NCALD: variants seen among roughly 807,000 people sequenced by gnomAD.
NCALD encodes the protein neurocalcin delta, also known as neurocalcin-delta.
NCALD carries 10 observed loss-of-function variants against 18.6 expected under a neutral mutation model. The ratio of observed to expected loss-of-function variants is 0.54; its 90% CI spans 0.33 to 0.91. The LOEUF is 0.91. NCALD is among the 40% of genes least tolerant of loss of function. The pLI is 0.03. For missense variants in NCALD, 184 were observed against 247.6 expected (o/e 0.74, Z 1.72); for synonymous variants, 88 against 87.4 (o/e 1.01, Z -0.04).
intron 4 of NCALD, among the ~76,000 whole-genome samples, chr8:101,803,302 T>G (rs756497587): frequency 1.6e-4 from 25 of 152,196 alleles, no homozygotes; most frequent in Non-Finnish European, 2.8e-4. Context: ...TGGGTTACTA[T>G]GTTAAGCCCA....
At chr8:101,818,637 C>T (rs1209851001) in intron 4 of NCALD, among the ~76,000 whole-genome samples, 1 of 152,154 alleles carries the variant, frequency 6.6e-6, no homozygotes, top group Non-Finnish European at 1.5e-5. Flanking sequence ...ATATATCATA[C>T]TATTTTTACC....
intron 2 of NCALD, among the ~76,000 whole-genome samples, chr8:101,925,925 G>GC (rs1818321885): frequency 6.6e-6 from 1 of 152,150 alleles, no homozygotes; most frequent in Non-Finnish European, 1.5e-5. Flanking sequence ...GAAAAATCAG[G>GC]CAAGAGACGT....
intron 1 of NCALD, among the ~76,000 whole-genome samples, chr8:102,119,212 C>T (rs117456101): frequency 6.6e-6 from 1 of 152,232 alleles, no homozygotes; most frequent in Non-Finnish European, 1.5e-5. Flanking sequence ...AAGTGTGGTA[C>T]ATACATACAA....
intron 1 of NCALD, among the ~76,000 whole-genome samples, chr8:102,058,824 A>C (rs186275742): frequency 4.6e-5 from 7 of 152,352 alleles, no homozygotes; most frequent in African/African-American, 1.7e-4. Context: ...GTAGATTATC[A>C]TAGGTTTTTC....
chr8:102,067,960 C>T (rs1040744554), intron 1 of NCALD, among the ~76,000 whole-genome samples: 1 of 152,234 alleles, frequency 6.6e-6, no homozygotes, highest in Non-Finnish European at 1.5e-5. Flanking sequence ...TCGCTCTGTT[C>T]TGTTGAATTG....
intron 4 of NCALD, among the ~76,000 whole-genome samples, chr8:101,854,061 T>G (rs933528444): frequency 7.2e-5 from 11 of 152,224 alleles, no homozygotes; most frequent in African/African-American, 2.7e-4. Context: ...AAAAGTAGGC[T>G]TGAGCCCCAG....
intron 1 of NCALD, among the ~76,000 whole-genome samples, chr8:102,048,429 T>C (rs1162747671): frequency 6.6e-6 from 1 of 152,190 alleles, no homozygotes; most frequent in Non-Finnish European, 1.5e-5. Flanking sequence ...TGGCCTCTTG[T>C]GTCTACTGCT....
rs1334321686 is a variant in NCALD at position 101,895,102 on chromosome 8, CA to C, written c.-106-7876del. Reference sequence around the variant, plus strand: ...CCAATATCCTTGATGAACATTGATGCAAAAATCCTCAATAAAATACTAGCAA... The same window carrying C: ...CCAATATCCTTGATGAACATTGATGCAAAATCCTCAATAAAATACTAGCAA... On this transcript the variant is annotated intron_variant, in intron 3 of 6. Transcript: ENST00000311028. Among the ~76,000 whole-genome samples the C allele has an allele frequency of 3.3e-5, 5 of 150,764 alleles. No homozygotes were observed. In the East Asian group the frequency reaches 9.6e-4, roughly 29 times the overall value.
chr8:101,748,452 T>G (rs1194080554), intron 1 of NCALD, among the ~76,000 whole-genome samples: 1 of 152,130 alleles, frequency 6.6e-6, no homozygotes, highest in African/African-American at 2.4e-5. Flanking sequence ...TAACTCTGAG[T>G]TGACATAAAA....
chr8:102,042,298 GAGA>G (rs1823074858), intron 1 of NCALD, among the ~76,000 whole-genome samples: 3 of 151,980 alleles, frequency 2.0e-5, no homozygotes, highest in Admixed American at 2.0e-4. Flanking sequence ...AAGAATATGT[GAGA>G]AGGATTTCTT....
At chr8:101,895,131 C>G (rs1216304586) in intron 3 of NCALD, among the ~76,000 whole-genome samples, 1 of 151,038 alleles carries the variant, frequency 6.6e-6, no homozygotes, top group East Asian at 1.9e-4. Flanking sequence ...ACTAGCAAAA[C>G]GAATCCAGCA....
intron 1 of NCALD, chr8:102,123,936 G>C (rs1234223909): frequency 3.3e-5 from 5 of 152,988 alleles, no homozygotes; most frequent in Non-Finnish European, 5.8e-5. Flanking sequence ...GCCTCTGCGC[G>C]GCCCTCTGCA....
intron 4 of NCALD, among the ~76,000 whole-genome samples, chr8:101,804,367 ATATAT>A (rs1306128490): frequency 1.6e-5 from 2 of 124,862 alleles, no homozygotes; most frequent in African/African-American, 6.3e-5. Flanking sequence ...TATATCAATT[ATATAT>A]TATATGTTAC....
chr8:102,113,226 AATACAAAGACAAAG>A (rs1825690784), intron 1 of NCALD, among the ~76,000 whole-genome samples: 1 of 152,228 alleles, frequency 6.6e-6, no homozygotes, highest in African/African-American at 2.4e-5. Flanking sequence ...GGCAACCAGA[AATACAAAGACAAAG>A]ATGTTCCAAA....
chr8:101,833,570 C>T (rs1023005131), intron 4 of NCALD, among the ~76,000 whole-genome samples: 5 of 149,092 alleles, frequency 3.4e-5, no homozygotes, highest in African/African-American at 1.2e-4. Flanking sequence ...ACCTTTTTTT[C>T]CATGAGCAAT....
chr8:102,077,948 A>C (rs55978100), intron 1 of NCALD, among the ~76,000 whole-genome samples: 13,535 of 152,166 alleles, frequency 0.089, 782 homozygotes, highest in South Asian at 0.15. Flanking sequence ...AAATTTAGCT[A>C]ATCTCCAGTC....
At chr8:101,784,828 G>T (rs1409223411) in intron 1 of NCALD, among the ~76,000 whole-genome samples, 1 of 152,070 alleles carries the variant, frequency 6.6e-6, no homozygotes, top group Non-Finnish European at 1.5e-5. Context: ...TGTGGTAATG[G>T]ATTCAATTGT....
chr8:101,777,852 T>G (rs1327394955), intron 1 of NCALD, among the ~76,000 whole-genome samples: 2 of 152,134 alleles, frequency 1.3e-5, no homozygotes, highest in African/African-American at 4.8e-5. Context: ...AAGAAATTTA[T>G]AGAAAATAGC....
chr8:102,093,723 G>A (rs899989396), intron 1 of NCALD, among the ~76,000 whole-genome samples: 1 of 152,148 alleles, frequency 6.6e-6, no homozygotes, highest in African/African-American at 2.4e-5. Flanking sequence ...GGTCCCCAGT[G>A]ACCAAAACAT....
Sources: gnomAD v4.1 joint callset for allele counts (sites outside exome capture counted in the v4.1 genomes callset) on GRCh38, gnomAD v4.1.1 for gene constraint, MANE v1.5 for transcripts, NCBI Gene and HGNC (gene_info 2026-07-23, HGNC 2026-07-21) for gene names.